CRY1: variants seen among roughly 807,000 people sequenced by gnomAD.
CRY1 encodes cryptochrome-1.
CRY1 carries 45 observed loss-of-function variants against 76.0 expected under a neutral mutation model. The ratio of observed to expected loss-of-function variants is 0.59; its 90% CI spans 0.47 to 0.76. The LOEUF is 0.76. CRY1 is among the 30% of genes least tolerant of loss of function. The pLI, the probability that CRY1 is intolerant of heterozygous loss-of-function variation, is 0.00. For synonymous variants in CRY1, 248 were observed against 244.0 expected (o/e 1.02, Z -0.15); for missense variants, 587 against 716.4 (o/e 0.82, Z 2.06).
At chr12:107,016,512 T>C (rs1003713031) in intron 2 of CRY1, among the ~76,000 whole-genome samples, 9 of 152,296 alleles carry the variant, frequency 5.9e-5, no homozygotes, top group Middle Eastern at 3.4e-3. Flanking sequence ...AACAGTATAA[T>C]TGCATAAAAA....
chr12:107,089,427 T>C (rs1953443220), intron 1 of CRY1, among the ~76,000 whole-genome samples: 1 of 152,164 alleles, frequency 6.6e-6, no homozygotes, highest in South Asian at 2.1e-4. Flanking sequence ...TTCCAACTCC[T>C]GGGCTCAAGT....
chr12:107,026,162 T>TATATATATATTACATATATATATAAAAA (rs1952612434), intron 1 of CRY1, among the ~76,000 whole-genome samples: 2 of 21,890 alleles, frequency 9.1e-5, no homozygotes, highest in African/African-American at 3.7e-4. Context: ...ATATAAAATA[T>TATATATATATTACATATATATATAAAAA]ATATATATAT....
At chr12:107,081,422 G>GTA in intron 1 of CRY1, among the ~76,000 whole-genome samples, 1 of 152,092 alleles carries the variant, frequency 6.6e-6, no homozygotes, top group East Asian at 1.9e-4. Flanking sequence ...CCAGATACAT[G>GTA]TATAGCCTGT....
intron 1 of CRY1, among the ~76,000 whole-genome samples, chr12:107,088,625 G>A (rs1465313540): frequency 6.6e-6 from 1 of 152,188 alleles, no homozygotes; most frequent in Non-Finnish European, 1.5e-5. Flanking sequence ...CCAAAACTGT[G>A]AGAAATAAAT....
intron 2 of CRY1, among the ~76,000 whole-genome samples, chr12:107,013,398 A>AT (rs1160360209): frequency 6.6e-6 from 1 of 152,020 alleles, no homozygotes; most frequent in Non-Finnish European, 1.5e-5. Context: ...TAAGGTGTGT[A>AT]TTTTTTTTAG....
chr12:107,080,159 T>A (rs1473122872), intron 1 of CRY1, among the ~76,000 whole-genome samples: 1 of 152,096 alleles, frequency 6.6e-6, no homozygotes, highest in African/African-American at 2.4e-5. Context: ...AGCAAGTAAT[T>A]GGCACACAGT....
intron 1 of CRY1, among the ~76,000 whole-genome samples, chr12:107,067,315 C>T (rs958350134): frequency 3.9e-5 from 6 of 152,138 alleles, no homozygotes; most frequent in African/African-American, 1.4e-4. Context: ...TTAGTCTATA[C>T]TATCGACTCT....
Position 107,004,381 on chromosome 12 carries a change from TA to T in CRY1, c.410+724del, listed in dbSNP as rs36023407. Among the ~76,000 whole-genome samples, 97 of 152,240 alleles carry T rather than the reference TA, an allele frequency of 6.4e-4. 1 individual carries two copies. The highest frequency in any genetic ancestry group is 2.2e-3 in the African/African-American group (93 of 41,544). ...TAACTTGATAAAATACATAAATTACTAAAAAAGTAAAATGATTTAAAAGGTA... is the reference window on the plus strand; with the variant it reads ...TAACTTGATAAAATACATAAATTACTAAAAAGTAAAATGATTTAAAAGGTA... On this transcript the variant is annotated intron_variant, in intron 3 of 12. Transcript: ENST00000008527.
intron 8 of CRY1, 90 bp downstream of exon 8, chr12:106,997,825 G>A: frequency 1.9e-6 from 3 of 1,544,442 alleles, no homozygotes; most frequent in Non-Finnish European, 2.6e-6. Context: ...TGCCCATCAT[G>A]AGTGGGGAAT....
chr12:107,001,777 T>G lies in CRY1; in HGVS notation c.582A>C (p.Ser194=). 6.4e-7 allele frequency: 1 copy of G among 1,556,544 alleles called. No homozygotes were observed. Among genetic ancestry groups the G allele is most frequent in the Non-Finnish European group, 8.6e-7 (1 of 1,163,714 alleles). Residue 194 remains serine (S), a synonymous_variant, in exon 4 of 13, where the codon TCA becomes TCC. Transcript: ENST00000008527. Reference sequence around the variant, plus strand: ...GTTTACACTCACCTAGCTCTTCCAGTGAAGGGACTCCATATTTCTCATCAT... The same window carrying G: ...GTTTACACTCACCTAGCTCTTCCAGGGAAGGGACTCCATATTTCTCATCAT... ...DDHDEKYGVP[S]LEELGFDTDG...
intron 1 of CRY1, among the ~76,000 whole-genome samples, chr12:107,039,534 GAAAC>G (rs1952774645): frequency 2.0e-5 from 3 of 152,016 alleles, no homozygotes; most frequent in Admixed American, 2.0e-4. Flanking sequence ...TTTTCTAAAG[GAAAC>G]AAACAAATGG....
At chr12:107,048,173 T>C (rs532392763) in intron 1 of CRY1, among the ~76,000 whole-genome samples, 8 of 151,946 alleles carry the variant, frequency 5.3e-5, no homozygotes, top group African/African-American at 1.9e-4. Context: ...CTCCGCCCCC[T>C]GGGTTCAAGC....
intron 1 of CRY1, among the ~76,000 whole-genome samples, chr12:107,068,984 G>A (rs1953145808): frequency 6.6e-6 from 1 of 152,134 alleles, no homozygotes; most frequent in African/African-American, 2.4e-5. Context: ...CATTTAGGTT[G>A]TTTCCACATT....
intron 1 of CRY1, among the ~76,000 whole-genome samples, chr12:107,041,595 TAAC>T (rs1200048750): frequency 1.3e-5 from 2 of 152,222 alleles, no homozygotes; most frequent in Non-Finnish European, 2.9e-5. Flanking sequence ...TGCTGCAACA[TAAC>T]ACTACAGGCC....
At chr12:107,008,572 T>C (rs1007526391) in intron 2 of CRY1, among the ~76,000 whole-genome samples, 5 of 152,248 alleles carry the variant, frequency 3.3e-5, no homozygotes, top group Non-Finnish European at 7.3e-5. Context: ...GCAAATATCC[T>C]TGTTTTTTCC....
chr12:106,995,172 T>C (rs1385448081), intron 10 of CRY1, among the ~76,000 whole-genome samples: 5 of 151,966 alleles, frequency 3.3e-5, no homozygotes, highest in Non-Finnish European at 5.9e-5. Context: ...TCCCCAAATA[T>C]AAAATGAGGA....
chr12:107,066,389 A>C (rs1031209426), intron 1 of CRY1, among the ~76,000 whole-genome samples: 1 of 152,170 alleles, frequency 6.6e-6, no homozygotes, highest in Admixed American at 6.5e-5. Context: ...TTAAATGTAC[A>C]TAGAGAGACC....
At chr12:107,010,105 T>C (rs966927941) in intron 2 of CRY1, among the ~76,000 whole-genome samples, 1 of 147,788 alleles carries the variant, frequency 6.8e-6, no homozygotes, top group African/African-American at 2.5e-5. Flanking sequence ...CTTATGAGAG[T>C]TCTAGTAAAT....
At chr12:107,076,618 GA>G (rs58432343) in intron 1 of CRY1, among the ~76,000 whole-genome samples, 9,335 of 99,382 alleles carry the variant, frequency 0.094, 641 homozygotes, top group African/African-American at 0.2. Flanking sequence ...CTGCCTCAAA[GA>G]AAAAAAAAAA....
Sources: gnomAD v4.1 joint callset for allele counts (sites outside exome capture counted in the v4.1 genomes callset) on GRCh38, gnomAD v4.1.1 for gene constraint, MANE v1.5 for transcripts, NCBI Gene and HGNC (gene_info 2026-07-23, HGNC 2026-07-21) for gene names.